The following HCN1 variants were observed in gnomAD, a reference collection of about 807,000 sequenced individuals.
The protein encoded by HCN1 is potassium/sodium hyperpolarization-activated cyclic nucleotide-gated channel 1.
HCN1 carries 13 observed loss-of-function variants against 78.9 expected under a neutral mutation model. The observed-to-expected ratio is 0.16, with a 90% confidence interval of 0.11 to 0.26. The LOEUF (loss-of-function observed/expected upper bound fraction) is 0.26, where lower values mean the gene tolerates loss of function less well. HCN1 is among the 10% of genes least tolerant of loss of function. HCN1 has a pLI of 1.00. For missense variants in HCN1, 810 were observed against 1,154.3 expected, an observed-to-expected ratio of 0.70 and a Z score of 4.32; for synonymous variants, 552 against 455.5, an observed-to-expected ratio of 1.21 and a Z score of -2.70.
chr5:45,663,196 AG>A (rs1203804333), intron 1 of HCN1, among the ~76,000 whole-genome samples: 4 of 115,328 alleles, frequency 3.5e-5, no homozygotes, highest in Non-Finnish European at 5.2e-5. Flanking sequence ...GAGAAAAACA[AG>A]CAATGGGGAA....
chr5:45,372,669 A>G (rs1747434569), intron 4 of HCN1, among the ~76,000 whole-genome samples: 1 of 141,478 alleles, frequency 7.1e-6, no homozygotes, highest in African/African-American at 2.5e-5. Flanking sequence ...TTTATATATA[A>G]AAATATAAAA....
rs539317855 is a variant in HCN1 at position 45,573,429 on chromosome 5, T to C, written c.849+71756A>G. On this transcript the variant is annotated intron_variant, in intron 2 of 7. Coordinates refer to ENST00000303230, the MANE Select transcript of HCN1 (RefSeq NM_021072.4). ...GTGCAAATACAGCTGTGAATTCACT[T>C]CATTTATTTATTTTCCTGAGGAGGG... Among the ~76,000 whole-genome samples, 15 of 152,148 alleles carry C rather than the reference T, an allele frequency of 9.9e-5. No individual in the cohort carries two copies. In the East Asian group the frequency reaches 2.9e-3, roughly 30 times the overall value.
chr5:45,275,677 T>C (rs960657093), intron 6 of HCN1, among the ~76,000 whole-genome samples: 2 of 152,132 alleles, frequency 1.3e-5, no homozygotes, highest in African/African-American at 2.4e-5. Flanking sequence ...ACCTAATGGA[T>C]ATTACTGATA....
At chr5:45,683,736 T>C (rs900616974) in intron 1 of HCN1, among the ~76,000 whole-genome samples, 1 of 152,028 alleles carries the variant, frequency 6.6e-6, no homozygotes. Context: ...AGTGGTGTCA[T>C]CTTGGCTCAC....
intron 5 of HCN1, among the ~76,000 whole-genome samples, chr5:45,348,290 A>G (rs1746795152): frequency 1.3e-5 from 2 of 152,184 alleles, no homozygotes; most frequent in South Asian, 4.1e-4. Flanking sequence ...AAGGAGAAAT[A>G]AAATACTTTA....
intron 2 of HCN1, among the ~76,000 whole-genome samples, chr5:45,474,324 A>G (rs946754405): frequency 2.0e-5 from 3 of 151,942 alleles, no homozygotes; most frequent in Admixed American, 1.3e-4. Flanking sequence ...TATCATGAGG[A>G]TAATGCTAGA....
intron 2 of HCN1, among the ~76,000 whole-genome samples, chr5:45,473,926 G>A (rs1219778333): frequency 6.6e-6 from 1 of 151,718 alleles, no homozygotes; most frequent in Non-Finnish European, 1.5e-5. Context: ...AGCCACATTT[G>A]GTTGACCTCT....
intron 5 of HCN1, among the ~76,000 whole-genome samples, chr5:45,342,243 T>A (rs186280355): frequency 6.6e-6 from 1 of 151,944 alleles, no homozygotes; most frequent in Non-Finnish European, 1.5e-5. Context: ...CTTTCCTTTT[T>A]TTTTTTTTGA....
intron 2 of HCN1, among the ~76,000 whole-genome samples, chr5:45,483,135 T>G (rs533850376): frequency 6.6e-6 from 1 of 152,324 alleles, no homozygotes; most frequent in African/African-American, 2.4e-5. Context: ...AGCGGTGGGA[T>G]AGCTGAGTTG....
chr5:45,585,203 A>AT (rs1222410871), intron 2 of HCN1, among the ~76,000 whole-genome samples: 2 of 151,984 alleles, frequency 1.3e-5, no homozygotes, highest in African/African-American at 4.8e-5. Flanking sequence ...ATAGTCCCAT[A>AT]TTTCTTGGAG....
At chr5:45,425,434 G>A (rs1036152202) in intron 3 of HCN1, among the ~76,000 whole-genome samples, 1 of 152,140 alleles carries the variant, frequency 6.6e-6, no homozygotes, top group African/African-American at 2.4e-5. Context: ...TAACATATTA[G>A]TAATCACATC....
intron 4 of HCN1, among the ~76,000 whole-genome samples, chr5:45,357,618 T>A (rs1747027904): frequency 6.6e-6 from 1 of 152,132 alleles, no homozygotes; most frequent in African/African-American, 2.4e-5. Context: ...CCAAAATATG[T>A]GACATGTCTA....
At chr5:45,689,188 G>A (rs2112100159) in intron 1 of HCN1, among the ~76,000 whole-genome samples, 1 of 152,118 alleles carries the variant, frequency 6.6e-6, no homozygotes, top group South Asian at 2.1e-4. Flanking sequence ...ATATCTGTAT[G>A]TAATAATTAG....
At chr5:45,273,931 C>T (rs1745005529) in intron 6 of HCN1, among the ~76,000 whole-genome samples, 1 of 152,002 alleles carries the variant, frequency 6.6e-6, no homozygotes, top group Admixed American at 6.6e-5. Context: ...GGTAGAAGTA[C>T]TCTGGGTATC....
chr5:45,282,452 T>C (rs1266588248), intron 6 of HCN1, among the ~76,000 whole-genome samples: 1 of 152,202 alleles, frequency 6.6e-6, no homozygotes, highest in African/African-American at 2.4e-5. Flanking sequence ...ATTCTGTAAT[T>C]TGCTGTCTAG....
intron 2 of HCN1, among the ~76,000 whole-genome samples, chr5:45,553,338 A>T (rs1743407998): frequency 1.3e-5 from 2 of 151,818 alleles, no homozygotes; most frequent in Non-Finnish European, 2.9e-5. Context: ...AAAAGGGTAT[A>T]TGTAAGCTTC....
intron 2 of HCN1, among the ~76,000 whole-genome samples, chr5:45,516,863 G>A (rs1742525000): frequency 6.8e-6 from 1 of 146,320 alleles, no homozygotes; most frequent in African/African-American, 2.6e-5. Flanking sequence ...AAATTATGAT[G>A]TTCTTCATAT....
At chr5:45,400,994 G>C (rs1251194718) in intron 3 of HCN1, among the ~76,000 whole-genome samples, 3 of 151,968 alleles carry the variant, frequency 2.0e-5, no homozygotes. Context: ...ATAGTTTGTT[G>C]ATCACACCAT....
rs1244943254 is a variant in HCN1 at position 45,259,743 on chromosome 5, T to C, written c.*2178A>G. On this transcript the variant is annotated 3_prime_UTR_variant, in exon 8 of 8. Coordinates refer to ENST00000303230, the MANE Select transcript of HCN1 (RefSeq NM_021072.4). ...AAATAAAAAACCAAAAATTTATATA[T>C]ATAAAAATATTTCACTACCAAATCC... The C allele has an allele frequency of 6.6e-6, 1 of 152,402 alleles. No individual in the cohort carries two copies. Among genetic ancestry groups the C allele is most frequent in the Non-Finnish European group, 1.5e-5 (1 of 67,962 alleles). The allele number at this position is 152,402 out of a possible 1,614,324, so 9.4% of individuals were successfully genotyped here.
Sources: allele counts gnomAD v4.1 joint callset (sites outside exome capture counted in the v4.1 genomes callset), GRCh38; gene constraint gnomAD v4.1.1; transcripts MANE v1.5; gene names NCBI Gene and HGNC (gene_info 2026-07-23, HGNC 2026-07-21).